NEB: variants seen among roughly 807,000 people sequenced by gnomAD.
NEB encodes nebulin.
In NEB, 512 loss-of-function variants were observed where a neutral mutation model predicts 952.2. The observed-to-expected ratio is 0.54, with a 90% CI of 0.50 to 0.58. The LOEUF is 0.58. Among genes scored for constraint, NEB ranks in the 20% least tolerant of loss-of-function variants. The pLI is 0.00. For synonymous variants in NEB, 2,900 were observed against 3,149.8 expected, an observed-to-expected ratio of 0.92 and a Z score of 2.66; for missense variants, 8,428 against 9,231.1, an observed-to-expected ratio of 0.91 and a Z score of 3.56.
intron 114 of NEB, 68 bp downstream of exon 114, chr2:151,567,100 G>C: frequency 7.5e-6 from 10 of 1,341,050 alleles, no homozygotes; most frequent in Non-Finnish European, 1.0e-5. Flanking sequence ...TGTGGATCTG[G>C]GATGTTGCTC....
At chr2:151,500,814 G>A (rs1256851517) in intron 168 of NEB, among the ~76,000 whole-genome samples, 1 of 151,878 alleles carries the variant, frequency 6.6e-6, no homozygotes, top group Non-Finnish European at 1.5e-5. Context: ...GGCTAGGCTG[G>A]TCTCGACCTC....
intron 138 of NEB, among the ~76,000 whole-genome samples, chr2:151,538,946 G>A (rs1054372685): frequency 6.6e-6 from 1 of 152,218 alleles, no homozygotes; most frequent in Non-Finnish European, 1.5e-5. Flanking sequence ...CAAACACACA[G>A]TGAAAGATGT....
At chr2:151,691,830 G>T in intron 23 of NEB, 34 bp downstream of exon 23, 2 of 1,442,216 alleles carry the variant, frequency 1.4e-6, no homozygotes, top group Non-Finnish European at 1.9e-6. Flanking sequence ...GGAATCCCAA[G>T]CTCAATTTCA....
chr2:151,680,960 TC>T, intron 29 of NEB, 132 bp from the exon 30 acceptor site: 1 of 744,874 alleles, frequency 1.3e-6, no homozygotes, highest in Non-Finnish European at 2.3e-6. Flanking sequence ...AACACTAGAT[TC>T]TTGATTGGCT....
intron 168 of NEB, 177 bp from the exon 169 acceptor site, chr2:151,499,567 G>T: frequency 6.4e-6 from 3 of 472,232 alleles, no homozygotes; most frequent in South Asian, 2.8e-5. Flanking sequence ...TATTTCCTTA[G>T]TGAAATATCA....
chr2:151,538,248 G>A lies in NEB; in HGVS notation c.20893-4C>T, dbSNP rs755711568. ...GAAATGTTTCTTTGTAGCGTAGCTA[G>A]AAAGAGAAAAAACACATGAATTACA... On this transcript the variant is annotated splice_polypyrimidine_tract_variant and splice_region_variant and intron_variant, in intron 138 of 181. Transcript: ENST00000397345. 7.5e-6 allele frequency: 12 copies of A among 1,594,524 alleles called. No homozygotes were observed. Among genetic ancestry groups the A allele is most frequent in the Admixed American group, 1.7e-5 (1 of 59,726 alleles).
At chr2:151,674,924 C>T (rs544394354) in intron 35 of NEB, among the ~76,000 whole-genome samples, 40 of 152,200 alleles carry the variant, frequency 2.6e-4, no homozygotes, top group Admixed American at 9.2e-4. Flanking sequence ...AAGAGAAGAC[C>T]TGGTGGTCAG....
chr2:151,618,157 A>G (rs1178841246), intron 74 of NEB, 118 bp downstream of exon 74: 1 of 917,748 alleles, frequency 1.1e-6, no homozygotes, highest in Non-Finnish European at 1.7e-6. Context: ...TAGTGGAAAA[A>G]TCATTTAAGA....
At position 151,667,524 on chromosome 2, in the gene NEB, C is replaced by T. The variant is rs144066670; in HGVS notation, c.4719+280G>A. On this transcript the variant is annotated intron_variant, in intron 40 of 181. Transcript: ENST00000397345. ...TTTATGTAGTTGATACAATCTTATA[C>T]ATCACATATAGATTTTTTTTTCTTT... 4.9e-3 allele frequency among the ~76,000 whole-genome samples: 748 copies of T among 152,060 alleles called. 9 individuals carry two copies. Among genetic ancestry groups the T allele is most frequent in the African/African-American group, 0.017 (702 of 41,514 alleles).
At chr2:151,716,024 A>G (rs1466222506) in intron 10 of NEB, 1 of 290,802 alleles carries the variant, frequency 3.4e-6, no homozygotes, top group Admixed American at 4.4e-5. Context: ...TTAAAAATAG[A>G]TTCCTTTTTC....
intron 142 of NEB, among the ~76,000 whole-genome samples, chr2:151,534,660 A>G (rs1044181396): frequency 6.6e-6 from 1 of 152,238 alleles, no homozygotes; most frequent in Non-Finnish European, 1.5e-5. Context: ...AGCTTTACCA[A>G]CTAAGGCTGT....
chr2:151,547,282 C>T, intron 133 of NEB, 147 bp downstream of exon 133: 1 of 633,684 alleles, frequency 1.6e-6, no homozygotes, highest in South Asian at 2.0e-5. Flanking sequence ...CATCCTTCTC[C>T]CACACTGTCT....
chr2:151,647,928 A>G (rs1470902880), intron 54 of NEB, among the ~76,000 whole-genome samples: 1 of 152,252 alleles, frequency 6.6e-6, no homozygotes, highest in Non-Finnish European at 1.5e-5. Context: ...CTGTGATTTT[A>G]ATCATCACAA....
At chr2:151,681,358 GTAAGT>G (rs1343654983) in intron 29 of NEB, among the ~76,000 whole-genome samples, 1 of 152,180 alleles carries the variant, frequency 6.6e-6, no homozygotes, top group Non-Finnish European at 1.5e-5. Flanking sequence ...TGGTTAGTAC[GTAAGT>G]TATCACCAAA....
chr2:151,733,102 T>G lies in NEB; in HGVS notation c.36+19A>C. On this transcript the variant is annotated intron_variant, in intron 3 of 181. Transcript: ENST00000397345. The stretch of plus-strand genomic sequence containing the variant: ...TACATAAAATAGTTTGCTGTCAGTG[T>G]TTTTTTTTTAAATCTTACCTCCACC... The G allele has an allele frequency of 6.9e-7, 1 of 1,453,582 alleles. No homozygotes were observed. The highest frequency in any genetic ancestry group is 9.3e-7 in the Non-Finnish European group (1 of 1,076,888). The allele number at this position is 1,453,582 out of a possible 1,614,324, so 90.0% of individuals were successfully genotyped here. A position where few individuals can be genotyped will look rare whatever the true frequency, so the allele number is the denominator to read the frequency against.
intron 23 of NEB, 138 bp from the exon 24 acceptor site, chr2:151,690,963 C>CTCTG (rs199702346): frequency 3.1e-6 from 2 of 650,428 alleles, no homozygotes; most frequent in Non-Finnish European, 2.8e-6. Flanking sequence ...ATTCTCACTT[C>CTCTG]TCTGTCTGTC....
chr2:151,633,576 G>A, intron 65 of NEB, 78 bp downstream of exon 65: 1 of 1,498,046 alleles, frequency 6.7e-7, no homozygotes, highest in Non-Finnish European at 9.0e-7. Context: ...CTTGAGTAAT[G>A]GATTGTATAT....
intron 107 of NEB, among the ~76,000 whole-genome samples, chr2:151,571,987 C>T (rs2096644810): frequency 1.3e-5 from 2 of 152,168 alleles, no homozygotes; most frequent in South Asian, 4.1e-4. Flanking sequence ...TGACAACTGA[C>T]TTGTTTTCTG....
intron 175 of NEB, 137 bp downstream of exon 175, chr2:151,493,638 G>T: frequency 1.2e-6 from 1 of 825,034 alleles, no homozygotes. Flanking sequence ...GGGTTGGTTT[G>T]TTGTTTTTAA....
Sources: allele counts gnomAD v4.1 joint callset (sites outside exome capture counted in the v4.1 genomes callset), GRCh38; gene constraint gnomAD v4.1.1; transcripts MANE v1.5; gene names NCBI Gene and HGNC (gene_info 2026-07-23, HGNC 2026-07-21).